ANK3: variants seen among roughly 807,000 people sequenced by gnomAD.
ANK3 encodes ankyrin 3.
ANK3 carries 57 observed loss-of-function variants against 370.9 expected under a neutral mutation model. That is an observed-to-expected ratio of 0.15 (90% CI 0.12 to 0.19). The LOEUF (loss-of-function observed/expected upper bound fraction) is 0.19, where lower values mean the gene tolerates loss of function less well. Ranked by LOEUF, ANK3 falls within the 10% of genes least tolerant of loss-of-function variation. ANK3 has a pLI of 1.00. For synonymous variants in ANK3, 1,929 were observed against 1,946.3 expected, an observed-to-expected ratio of 0.99 and a Z score of 0.23; for missense variants, 4,439 against 5,302.1, an observed-to-expected ratio of 0.84 and a Z score of 5.06.
intron 1 of ANK3, among the ~76,000 whole-genome samples, chr10:60,337,050 G>T (rs2053160567): frequency 6.6e-6 from 1 of 151,766 alleles, no homozygotes; most frequent in African/African-American, 2.4e-5. Flanking sequence ...AACAGTGGAA[G>T]ATAAAGAATT....
chr10:60,282,761 A>C (rs1032062033), intron 1 of ANK3, among the ~76,000 whole-genome samples: 1 of 152,178 alleles, frequency 6.6e-6, no homozygotes, highest in African/African-American at 2.4e-5. Context: ...AATTTTCTTC[A>C]CTTTCCTTGG....
rs1222504643 is a variant in ANK3, at chr10:60,071,118, G to GAAATTCAATATAGGC, written c.9748_9762dup (p.Ala3250_Phe3254dup). 1 of 1,614,118 alleles carries GAAATTCAATATAGGC rather than the reference G, an allele frequency of 6.2e-7. No individual in the cohort carries two copies. Among genetic ancestry groups the GAAATTCAATATAGGC allele is most frequent in the South Asian group, 1.1e-5 (1 of 91,082 alleles). Reference sequence around the variant, plus strand: ...TCCGCATCCAGTGGTGGAGGAGGGGGAAATTCAATATAGGCAACTCTGTTA... The same window carrying GAAATTCAATATAGGC: ...TCCGCATCCAGTGGTGGAGGAGGGGGAAATTCAATATAGGCAAATTCAATATAGGCAACTCTGTTA... On this transcript the variant is annotated inframe_insertion, in exon 37 of 44. Coordinates refer to ENST00000280772, the MANE Select transcript of ANK3 (RefSeq NM_020987.5).
intron 2 of ANK3, among the ~76,000 whole-genome samples, chr10:60,507,076 G>A (rs1457998800): frequency 6.6e-6 from 1 of 152,012 alleles, no homozygotes; most frequent in Non-Finnish European, 1.5e-5. Flanking sequence ...TGATGGATAT[G>A]CTAATTACCC....
chr10:60,383,590 C>T (rs7895653), intron 1 of ANK3, among the ~76,000 whole-genome samples: 37,951 of 152,002 alleles, frequency 0.25, 4,986 homozygotes, highest in East Asian at 0.34. Flanking sequence ...TCTCCAGCCT[C>T]AAGGAGCTCA....
intron 5 of ANK3, among the ~76,000 whole-genome samples, chr10:60,269,800 A>G (rs977843505): frequency 2.0e-5 from 3 of 152,208 alleles, no homozygotes; most frequent in African/African-American, 7.2e-5. Flanking sequence ...GATAGTTCAC[A>G]TCAATTACTC....
chr10:60,514,273 C>A (rs1304379244), intron 2 of ANK3, among the ~76,000 whole-genome samples: 2 of 152,054 alleles, frequency 1.3e-5, no homozygotes, highest in Non-Finnish European at 2.9e-5. Context: ...GGGGTCAGTG[C>A]CCCGGCCCCC....
intron 5 of ANK3, among the ~76,000 whole-genome samples, chr10:60,267,301 G>A (rs919021421): frequency 2.0e-5 from 3 of 152,074 alleles, no homozygotes; most frequent in African/African-American, 7.2e-5. Context: ...TGAATAAAAT[G>A]TCTTATTTCC....
chr10:60,063,737 G>A (rs576040527), intron 39 of ANK3, among the ~76,000 whole-genome samples: 1 of 152,108 alleles, frequency 6.6e-6, no homozygotes, highest in Non-Finnish European at 1.5e-5. Flanking sequence ...CAACAGTAGA[G>A]CCAACCAAGC....
At chr10:60,678,507 A>G (rs1285050564) in intron 1 of ANK3, among the ~76,000 whole-genome samples, 1 of 152,198 alleles carries the variant, frequency 6.6e-6, no homozygotes, top group Non-Finnish European at 1.5e-5. Context: ...TAAACACAAT[A>G]TGACTTTATT....
chr10:60,239,713 TAA>T (rs2097395269), intron 7 of ANK3, among the ~76,000 whole-genome samples: 1 of 151,266 alleles, frequency 6.6e-6, no homozygotes, highest in South Asian at 2.1e-4. Flanking sequence ...TGAAGGTAAG[TAA>T]AAGAGATAAC....
chr10:60,471,850 T>C (rs1362010891), intron 2 of ANK3, among the ~76,000 whole-genome samples: 2 of 152,202 alleles, frequency 1.3e-5, no homozygotes, highest in Non-Finnish European at 1.5e-5. Context: ...GAAAATGTGC[T>C]TTCATTCAAT....
chr10:60,301,421 T>TC (rs2043789305), intron 1 of ANK3, among the ~76,000 whole-genome samples: 1 of 148,564 alleles, frequency 6.7e-6, no homozygotes, highest in Admixed American at 6.7e-5. Flanking sequence ...ACATTTTTTT[T>TC]TTTTTTTTTT....
Position 60,536,896 on chromosome 10 carries a change from A to T in ANK3, c.96+78290T>A, listed in dbSNP as rs111695219. On this transcript the variant is annotated intron_variant, in intron 2 of 43. Coordinates refer to the ANK3 transcript ENST00000373827. ...AATTTTATTTATGCGAGAATAAATC[A>T]TGCTTGCAAAAAGGGACTGGCACTT... 6.1e-4 allele frequency among the ~76,000 whole-genome samples: 93 copies of T among 152,186 alleles called. 1 individual carries two copies. The highest frequency in any genetic ancestry group is 2.0e-3 in the African/African-American group (84 of 41,558).
At chr10:60,395,577 TTTCTTTCTTTCTTTC>T (rs1259141137) in intron 2 of ANK3, among the ~76,000 whole-genome samples, 2 of 125,012 alleles carry the variant, frequency 1.6e-5, no homozygotes, top group African/African-American at 6.5e-5. Context: ...TCTTTCTTTC[TTTCTTTCTTTCTTTC>T]TTTCTTTCTT....
rs58434027 is a variant in ANK3 at position 60,488,643 on chromosome 10, C to A, written c.96+126543G>T. Among the ~76,000 whole-genome samples, 497 of 152,332 alleles carry A rather than the reference C, an allele frequency of 3.3e-3. 4 individuals are homozygous for A. Among genetic ancestry groups the A allele is most frequent in the African/African-American group, 0.012 (484 of 41,564 alleles). ...ACAGATTTGCCTATTCTGGGCATAT[C>A]ATATGAATGGAATCATAAATCATAT... On this transcript the variant is annotated intron_variant, in intron 2 of 43. Coordinates refer to the ANK3 transcript ENST00000373827.
intron 2 of ANK3, among the ~76,000 whole-genome samples, chr10:60,533,411 G>A (rs962718379): frequency 1.3e-5 from 2 of 152,040 alleles, no homozygotes; most frequent in Non-Finnish European, 2.9e-5. Context: ...AGTGCTCCAG[G>A]CTCTCCAATC....
In ANK3 at chr10:60,069,794, G is replaced by T. The variant is rs747100065; in HGVS notation, c.11087C>A (p.Thr3696Lys). 6.2e-7 allele frequency: 1 copy of T among 1,614,122 alleles called. No individual in the cohort carries two copies. The highest frequency in any genetic ancestry group is 8.5e-7 in the Non-Finnish European group (1 of 1,180,024). ...TTTCTCCAGGGAGCCACTACTGGATGTGCCTTCCTGACACTCTCCGCTGGT... is the reference window on the plus strand; with the variant it reads ...TTTCTCCAGGGAGCCACTACTGGATTTGCCTTCCTGACACTCTCCGCTGGT... ...IPTSGECQEG[T>K]SSSGSLEKSA... Residue 3696 changes from threonine (T) to lysine (K), a missense_variant, in exon 37 of 44, where the codon ACA becomes AAA. Thr to Lys is a moderately conservative substitution (Grantham distance 78). This residue lies in a region of ANK3 where 496 missense variants were observed against 529.3 expected (regional missense o/e 0.94). Transcript: ENST00000280772.
At chr10:60,583,493 CT>C in intron 2 of ANK3, among the ~76,000 whole-genome samples, 1 of 148,692 alleles carries the variant, frequency 6.7e-6, no homozygotes, top group Non-Finnish European at 1.5e-5. Context: ...TTCCATATAG[CT>C]TACAGAGAGG....
At chr10:60,471,922 T>C (rs2065229547) in intron 2 of ANK3, among the ~76,000 whole-genome samples, 1 of 151,172 alleles carries the variant, frequency 6.6e-6, no homozygotes, top group African/African-American at 2.4e-5. Context: ...GAGAGAAGAG[T>C]TACAAAAAGG....
Sources: allele counts gnomAD v4.1 joint callset (sites outside exome capture counted in the v4.1 genomes callset), GRCh38; gene constraint gnomAD v4.1.1; regional missense constraint gnomAD v4.1.1; transcripts MANE v1.5; gene names NCBI Gene and HGNC (gene_info 2026-07-23, HGNC 2026-07-21).